Variants in HNF1A observed in about 807,000 individuals in gnomAD.
HNF1A encodes hepatocyte nuclear factor 1-alpha.
Under a neutral mutation model 62.2 loss-of-function variants are expected in HNF1A, and 21 were observed. The ratio of observed to expected loss-of-function variants is 0.34; its 90% CI spans 0.24 to 0.49. The LOEUF is 0.49. Among genes scored for constraint, HNF1A ranks in the 20% least tolerant of loss-of-function variants. The pLI is 0.99. For synonymous variants in HNF1A, 374 were observed against 366.8 expected (o/e 1.02, Z -0.22); for missense variants, 687 against 832.3 (o/e 0.83, Z 2.15).
intron 8 of HNF1A, 33 bp from the exon 9 acceptor site, chr12:120,999,450 C>A: frequency 6.2e-7 from 1 of 1,613,852 alleles, no homozygotes; most frequent in Non-Finnish European, 8.5e-7. Flanking sequence ...CCCCCACATC[C>A]CCCGGGCTCA....
In HNF1A at chr12:120,993,601, G is replaced by T. The variant is rs587780357; in HGVS notation, c.608G>T (p.Arg203Leu). ...ELPTKKGRRN[R>L]FKWGPASQQI... ...CCAACCAAGAAGGGGCGGAGGAACC[G>T]TTTCAAGTGGGGCCCAGCATCCCAG... Residue 203 changes from arginine to leucine, a missense_variant, in exon 3 of 10, where the codon CGT becomes CTT. Arg to Leu is a moderately radical substitution (Grantham distance 102). This residue lies in a region of HNF1A where 47 missense variants were observed against 52.5 expected (regional missense o/e 0.90). Transcript: ENST00000257555. The T allele has an allele frequency of 6.2e-7, 1 of 1,614,156 alleles. No individual in the cohort carries two copies. The highest frequency in any genetic ancestry group is 1.7e-5 in the Admixed American group (1 of 60,020).
intron 1 of HNF1A, among the ~76,000 whole-genome samples, chr12:120,982,451 C>G (rs1442253290): frequency 6.6e-6 from 1 of 150,858 alleles, no homozygotes; most frequent in African/African-American, 2.5e-5. Flanking sequence ...AAACAGTAGC[C>G]ACGGCAGGAG....
chr12:120,983,650 A>T (rs917094851), intron 1 of HNF1A, among the ~76,000 whole-genome samples: 1 of 150,654 alleles, frequency 6.6e-6, no homozygotes, highest in Non-Finnish European at 1.5e-5. Context: ...GGTTCAAGTG[A>T]TCCTCCTGCC....
chr12:120,990,108 T>C (rs1289991893), intron 2 of HNF1A, among the ~76,000 whole-genome samples: 1 of 152,176 alleles, frequency 6.6e-6, no homozygotes, highest in Non-Finnish European at 1.5e-5. Flanking sequence ...TTTTGACATT[T>C]CTTTTATTAA....
chr12:120,979,186 T>C (rs1232099066), intron 1 of HNF1A, 92 bp downstream of exon 1: 1 of 1,126,520 alleles, frequency 8.9e-7, no homozygotes, highest in Non-Finnish European at 1.3e-6. Flanking sequence ...TGAGTCCCCA[T>C]GACCTTCAGC....
intron 2 of HNF1A, among the ~76,000 whole-genome samples, chr12:120,990,577 A>G (rs1365294551): frequency 6.6e-6 from 1 of 151,742 alleles, no homozygotes; most frequent in African/African-American, 2.4e-5. Flanking sequence ...CCTCCTCTAA[A>G]AAAGAAAGAA....
chr12:121,001,540 G>A lies in HNF1A; in HGVS notation c.*348G>A. 1 of 447,188 alleles carries A rather than the reference G, an allele frequency of 2.2e-6. No homozygotes were observed. The highest frequency in any genetic ancestry group is 4.2e-6 in the Non-Finnish European group (1 of 236,964). 27.7% of individuals were successfully genotyped at this position (447,188 alleles called of 1,614,324 possible). A position where few individuals can be genotyped will look rare whatever the true frequency, so the allele number is the denominator to read the frequency against. ...GGCACCCCCAGCCTGGGCCTATGGA[G>A]AGCCCTGGGACCGCTACACCACTCT... is the stretch of plus-strand genomic sequence containing the variant. On this transcript the variant is annotated 3_prime_UTR_variant, in exon 10 of 10. Coordinates refer to ENST00000257555, the MANE Select transcript of HNF1A (RefSeq NM_000545.8).
rs547529681 is a variant in HNF1A at position 120,984,414 on chromosome 12, G to C, written c.327-4419G>C. 7.2e-5 allele frequency among the ~76,000 whole-genome samples: 11 copies of C among 152,156 alleles called. No individual in the cohort carries two copies. The East Asian group carries it at 2.1e-3, about 29-fold the overall frequency. Reference sequence around the variant, plus strand: ...GGACAGGGGCACATAGAAAATCTTTGGTTTGAGCCCAGGAGAGGCTCTCAA... The same window carrying C: ...GGACAGGGGCACATAGAAAATCTTTCGTTTGAGCCCAGGAGAGGCTCTCAA... On this transcript the variant is annotated intron_variant, in intron 1 of 9. Transcript: ENST00000257555.
In HNF1A at chr12:120,978,694, C is replaced by A. The variant is rs1876071778; in HGVS notation, c.-75C>A. On this transcript the variant is annotated 5_prime_UTR_variant, in exon 1 of 10. Transcript: ENST00000257555. ...TGGTTTGTGTCTGCCGGCCGGCAGG[C>A]AAACGCAACCCACGCGGTGGGGGAG... 1 of 1,433,048 alleles carries A rather than the reference C, an allele frequency of 7.0e-7. No individual in the cohort carries two copies. Among genetic ancestry groups the A allele is most frequent in the Non-Finnish European group, 9.8e-7 (1 of 1,020,732 alleles). 88.8% of individuals were successfully genotyped at this position (1,433,048 alleles called of 1,614,324 possible).
At chr12:120,990,295 C>T (rs529436365) in intron 2 of HNF1A, among the ~76,000 whole-genome samples, 5 of 152,232 alleles carry the variant, frequency 3.3e-5, no homozygotes, top group Middle Eastern at 3.4e-3. Flanking sequence ...GTGCCCGCCA[C>T]CACGCCCAGC....
Position 120,996,768 on chromosome 12 carries a change from C to G in HNF1A, c.1309+26C>G. 2.5e-6 allele frequency: 4 copies of G among 1,612,108 alleles called. No homozygotes were observed. The highest frequency in any genetic ancestry group is 3.4e-6 in the Non-Finnish European group (4 of 1,179,214). On this transcript the variant is annotated intron_variant, in intron 6 of 9. Coordinates refer to ENST00000257555, the MANE Select transcript of HNF1A (RefSeq NM_000545.8). The surrounding 1 kb of genome is among the most constrained non-coding windows in gnomAD (Gnocchi z 4.5). ...GTAAGCTGGTGGGGATGGGTGGGCA[C>G]CTGGGTGGGAGGCTCATGGGGCAAC...
Position 120,996,086 on chromosome 12 carries a change from A to G in HNF1A, c.956-176A>G, listed in dbSNP as rs2135844827. On this transcript the variant is annotated intron_variant, in intron 4 of 9. Transcript: ENST00000257555. The surrounding 1 kb of genome is among the most constrained non-coding windows in gnomAD (Gnocchi z 4.5). ...CAGTCCCAGCCTTCAAGGAACTGGG[A>G]GCAGCTGACCCAGGGCTTGGCAAAA... Among the ~76,000 whole-genome samples the G allele has an allele frequency of 6.6e-6, 1 of 152,310 alleles. No homozygotes were observed. The highest frequency in any genetic ancestry group is 2.1e-4 in the South Asian group (1 of 4,826).
rs1284013094 is a variant in HNF1A, at chr12:121,002,090, A to G, written c.*898A>G. On this transcript the variant is annotated 3_prime_UTR_variant, in exon 10 of 10. Coordinates refer to ENST00000257555, the MANE Select transcript of HNF1A (RefSeq NM_000545.8). ...TGCAGACCCTGCCCTTGTTTGGGGC[A>G]GGAGTAGCTGAGCTCACAAGGCAGC... 2.1e-5 allele frequency: 11 copies of G among 535,324 alleles called. No individual in the cohort carries two copies. Among genetic ancestry groups the G allele is most frequent in the Non-Finnish European group, 4.0e-5 (11 of 276,106 alleles). 33.2% of individuals were successfully genotyped at this position (535,324 alleles called of 1,614,324 possible).
Position 121,002,281 on chromosome 12 carries a change from C to A in HNF1A, c.*1089C>A, listed in dbSNP as rs954801404. 9.3e-5 allele frequency: 41 copies of A among 441,824 alleles called. No individual in the cohort carries two copies. In the Middle Eastern group the frequency reaches 1.4e-3, roughly 15 times the overall value. The allele number at this position is 441,824 out of a possible 1,614,324, so 27.4% of individuals were successfully genotyped here. Reference sequence around the variant, plus strand: ...GCAGTTCGCAGCCACCCTGAGGAGTCTGAGGTCCTGAGCACTGCCAGGAGG... The same window carrying A: ...GCAGTTCGCAGCCACCCTGAGGAGTATGAGGTCCTGAGCACTGCCAGGAGG... On this transcript the variant is annotated 3_prime_UTR_variant, in exon 10 of 10. Transcript: ENST00000257555.
chr12:121,000,949 T>C, intron 9 of HNF1A, 116 bp from the exon 10 acceptor site: 1 of 1,412,584 alleles, frequency 7.1e-7, no homozygotes, highest in Non-Finnish European at 9.9e-7. Context: ...TCCTGTTATC[T>C]GCTGTGATCC....
At chr12:120,982,218 C>T (rs1200416878) in intron 1 of HNF1A, among the ~76,000 whole-genome samples, 2 of 152,102 alleles carry the variant, frequency 1.3e-5, no homozygotes. Context: ...TACAGGCATG[C>T]ACCACCACGC....
chr12:120,989,942 A>C (rs1876726974), intron 2 of HNF1A, among the ~76,000 whole-genome samples: 1 of 152,044 alleles, frequency 6.6e-6, no homozygotes, highest in South Asian at 2.1e-4. Context: ...AAAGGCTCAG[A>C]GGCAAGGTCT....
chr12:120,996,509 C>T lies in HNF1A; in HGVS notation c.1108-32C>T. On this transcript the variant is annotated intron_variant, in intron 5 of 9. Transcript: ENST00000257555. The surrounding 1 kb of genome is among the most constrained non-coding windows in gnomAD (Gnocchi z 4.5). ...TAGGGAGGCCCTGTGGGGACCCCGG[C>T]CCCCCGGACACAGCTTGGCTTCCCC... 3 of 1,611,644 alleles carry T rather than the reference C, an allele frequency of 1.9e-6. No individual in the cohort carries two copies. The highest frequency in any genetic ancestry group is 2.2e-5 in the East Asian group (1 of 44,850).
chr12:121,001,441 T>G lies in HNF1A; in HGVS notation c.*249T>G, dbSNP rs185557455. On this transcript the variant is annotated 3_prime_UTR_variant, in exon 10 of 10. Coordinates refer to ENST00000257555, the MANE Select transcript of HNF1A (RefSeq NM_000545.8). ...AGGAGCAAAGCCTGTTCATGGCAGA[T>G]GTAGGAGGGACTGTCGCTGCTTCGT... 9 of 547,286 alleles carry G rather than the reference T, an allele frequency of 1.6e-5. No individual in the cohort carries two copies. The East Asian group carries it at 2.8e-4, about 17-fold the overall frequency. The allele number at this position is 547,286 out of a possible 1,614,324, so 33.9% of individuals were successfully genotyped here.
Sources: gnomAD v4.1 joint callset for allele counts (sites outside exome capture counted in the v4.1 genomes callset) on GRCh38, gnomAD v4.1.1 for gene constraint, gnomAD v4.1.1 regional missense constraint, Gnocchi (gnomAD v3.1) non-coding constraint, MANE v1.5 for transcripts, NCBI Gene and HGNC (gene_info 2026-07-23, HGNC 2026-07-21) for gene names.